SAG: variants seen among roughly 807,000 people sequenced by gnomAD.
The protein encoded by SAG is S-antigen visual arrestin, also known as S-arrestin.
SAG carries 45 observed loss-of-function variants against 55.0 expected under a neutral mutation model. That is an observed-to-expected ratio of 0.82 (90% CI 0.64 to 1.05). SAG has a LOEUF of 1.05. Among genes scored for constraint, SAG ranks in the 50% least tolerant of loss-of-function variants. SAG has a pLI of 0.00. For missense variants in SAG, 455 were observed against 512.1 expected, an observed-to-expected ratio of 0.89 and a Z score of 1.08; for synonymous variants, 189 against 197.4, an observed-to-expected ratio of 0.96 and a Z score of 0.36.
intron 14 of SAG, chr2:233,343,417 T>A (rs1574957705): frequency 4.9e-6 from 1 of 203,588 alleles, no homozygotes; most frequent in African/African-American, 2.4e-5. Flanking sequence ...GCAGTTATGG[T>A]AAGAATACAG....
At chr2:233,325,540 G>A (rs1182303604) in intron 6 of SAG, among the ~76,000 whole-genome samples, 1 of 152,066 alleles carries the variant, frequency 6.6e-6, no homozygotes, top group African/African-American at 2.4e-5. Flanking sequence ...AATGGGGTGG[G>A]GTGTGCGCAG....
intron 1 of SAG, among the ~76,000 whole-genome samples, chr2:233,308,515 A>T (rs541112434): frequency 6.6e-6 from 1 of 152,030 alleles, no homozygotes; most frequent in African/African-American, 2.4e-5. Context: ...GACCGCTAAG[A>T]TGGCCTCTTA....
chr2:233,322,185 C>CAAAAA (rs35197599), intron 5 of SAG, among the ~76,000 whole-genome samples: 4 of 66,106 alleles, frequency 6.1e-5, no homozygotes, highest in Non-Finnish European at 1.3e-4. Context: ...GACTCTGTCT[C>CAAAAA]AAAAAAAAAA....
chr2:233,340,557 T>G lies in SAG; in HGVS notation c.1046+79T>G. 7.3e-6 allele frequency: 8 copies of G among 1,092,238 alleles called. No homozygotes were observed. The highest frequency in any genetic ancestry group is 1.1e-5 in the Non-Finnish European group (8 of 723,732). The allele number at this position is 1,092,238 out of a possible 1,614,324, so 67.7% of individuals were successfully genotyped here. The stretch of plus-strand genomic sequence containing the variant: ...AAACTTGGGGCTCCAAAACGGTTTC[T>G]GATGAAAGCTGCTTTCTGGACAGTT... On this transcript the variant is annotated intron_variant, in intron 13 of 15. Coordinates refer to ENST00000409110, the MANE Select transcript of SAG (RefSeq NM_000541.5). This position sits in a 1 kb window ranked among gnomAD's most constrained non-coding sequence, Gnocchi z 4.2.
chr2:233,342,762 A>AT (rs199512697), intron 14 of SAG: 6,446 of 155,482 alleles, frequency 0.041, 158 homozygotes, highest in East Asian at 0.11. Context: ...AAAGAAGATA[A>AT]TTTTTTTTTT....
Position 233,325,819 on chromosome 2 carries a change from G to A in SAG, c.436-1302G>A, listed in dbSNP as rs76119090. Among the ~76,000 whole-genome samples, 950 of 152,356 alleles carry A rather than the reference G, an allele frequency of 6.2e-3. 10 individuals are homozygous for A. The highest frequency in any genetic ancestry group is 8.1e-3 in the Non-Finnish European group (550 of 68,034). On this transcript the variant is annotated intron_variant, in intron 6 of 15. Transcript: ENST00000409110. ...CCCAGGGAGCTTGAGAGAAGTGCCT[G>A]AATGCCTGGGGGCCTGGGGGCTTGA... is the stretch of plus-strand genomic sequence containing the variant.
intron 3 of SAG, among the ~76,000 whole-genome samples, chr2:233,316,434 C>T (rs1199553528): frequency 6.6e-6 from 1 of 152,096 alleles, no homozygotes; most frequent in Non-Finnish European, 1.5e-5. Context: ...GCCTCAGCCT[C>T]CCAAATAGCT....
chr2:233,333,674 A>T (rs1338700429), intron 10 of SAG: 1 of 152,268 alleles, frequency 6.6e-6, no homozygotes. Context: ...GCCTTGGCAT[A>T]GTCCTTTGGC....
rs1228509343 is a variant in SAG, at chr2:233,343,643, C to A, written c.1102+1317C>A. ...CTTTCTAAAAAGGTAAATGAAGCAG[C>A]AAAAATAATATAGGTGAAATCTCAG... On this transcript the variant is annotated intron_variant, in intron 14 of 15. Coordinates refer to ENST00000409110, the MANE Select transcript of SAG (RefSeq NM_000541.5). The A allele has an allele frequency of 1.0e-5, 13 of 1,258,132 alleles. No individual in the cohort carries two copies. In the South Asian group the frequency reaches 1.6e-4, roughly 15 times the overall value. 77.9% of individuals were successfully genotyped at this position (1,258,132 alleles called of 1,614,324 possible).
intron 6 of SAG, among the ~76,000 whole-genome samples, chr2:233,325,342 C>T (rs1021490719): frequency 3.6e-5 from 5 of 137,538 alleles, no homozygotes; most frequent in Non-Finnish European, 7.7e-5. Flanking sequence ...AGCAACAGAG[C>T]AAGACTCCAT....
intron 11 of SAG, among the ~76,000 whole-genome samples, chr2:233,335,860 A>T (rs1023906371): frequency 1.3e-5 from 2 of 152,054 alleles, no homozygotes. Context: ...TCCCCATGTG[A>T]TATGCTGGGG....
At chr2:233,311,467 A>C (rs1700073190) in intron 2 of SAG, among the ~76,000 whole-genome samples, 1 of 152,200 alleles carries the variant, frequency 6.6e-6, no homozygotes, top group African/African-American at 2.4e-5. Flanking sequence ...GAAGAATTAG[A>C]TGATCGTAGT....
chr2:233,336,366 T>C (rs1700927393), intron 11 of SAG, among the ~76,000 whole-genome samples: 1 of 151,924 alleles, frequency 6.6e-6, no homozygotes, highest in South Asian at 2.1e-4. Flanking sequence ...AATACAAAAA[T>C]TAGCCAGGTG....
At chr2:233,330,179 G>A (rs1183182579) in intron 9 of SAG, among the ~76,000 whole-genome samples, 2 of 152,182 alleles carry the variant, frequency 1.3e-5, no homozygotes, top group Non-Finnish European at 2.9e-5. Flanking sequence ...GTCTTATTTG[G>A]CTCTTTCATG....
At position 233,338,171 on chromosome 2, in the gene SAG, G is replaced by A. The variant is rs571456406; in HGVS notation, c.945-505G>A. Reference sequence around the variant, plus strand: ...TGTGTTGGCAAGACTGGCGCGGGGGGCGCTGGGACACAGCTGGGGGTGAAG... The same window carrying A: ...TGTGTTGGCAAGACTGGCGCGGGGGACGCTGGGACACAGCTGGGGGTGAAG... On this transcript the variant is annotated intron_variant, in intron 11 of 15. Coordinates refer to ENST00000409110, the MANE Select transcript of SAG (RefSeq NM_000541.5). Among the ~76,000 whole-genome samples, 6 of 152,314 alleles carry A rather than the reference G, an allele frequency of 3.9e-5. No homozygotes were observed. In the South Asian group the frequency reaches 1.2e-3, roughly 32 times the overall value.
intron 2 of SAG, among the ~76,000 whole-genome samples, chr2:233,309,723 C>T (rs1200184692): frequency 2.0e-5 from 3 of 152,202 alleles, no homozygotes; most frequent in African/African-American, 7.2e-5. Context: ...TGGATGATCA[C>T]TGAGCTATAA....
intron 5 of SAG, among the ~76,000 whole-genome samples, chr2:233,321,599 T>TG (rs1329172013): frequency 3.3e-5 from 5 of 151,982 alleles, no homozygotes; most frequent in Non-Finnish European, 7.4e-5. Flanking sequence ...TCCCACAGGC[T>TG]GGGGGGTTGG....
chr2:233,320,837 C>G lies in SAG; in HGVS notation c.375+14C>G. On this transcript the variant is annotated intron_variant, in intron 5 of 15. Coordinates refer to ENST00000409110, the MANE Select transcript of SAG (RefSeq NM_000541.5). Reference sequence around the variant, plus strand: ...TTTCTCCTGACGGTGGGTGACTCCTCCGGCCAGCCCTGCTTCCTTCACCCG... The same window carrying G: ...TTTCTCCTGACGGTGGGTGACTCCTGCGGCCAGCCCTGCTTCCTTCACCCG... 1 of 1,568,448 alleles carries G rather than the reference C, an allele frequency of 6.4e-7. No homozygotes were observed. Among genetic ancestry groups the G allele is most frequent in the Non-Finnish European group, 8.6e-7 (1 of 1,156,358 alleles).
chr2:233,313,201 A>T (rs1277649229), intron 2 of SAG, among the ~76,000 whole-genome samples: 1 of 152,174 alleles, frequency 6.6e-6, no homozygotes, highest in Non-Finnish European at 1.5e-5. Context: ...GGGGACCGTG[A>T]GGTGTCCCCT....
Sources: allele counts gnomAD v4.1 joint callset (sites outside exome capture counted in the v4.1 genomes callset), GRCh38; gene constraint gnomAD v4.1.1; non-coding constraint Gnocchi (gnomAD v3.1); transcripts MANE v1.5; gene names NCBI Gene and HGNC (gene_info 2026-07-23, HGNC 2026-07-21).